Variants in APP observed in about 807,000 individuals in gnomAD.
APP encodes the protein amyloid-beta precursor protein.
A neutral mutation model predicts 101.4 loss-of-function variants in APP; 31 were observed. That is an observed-to-expected ratio of 0.31 (90% CI 0.23 to 0.41). The LOEUF (loss-of-function observed/expected upper bound fraction) is 0.41, where lower values mean the gene tolerates loss of function less well. APP is among the 10% of genes least tolerant of loss of function. The probability of loss-of-function intolerance (pLI) is 1.00; values close to 1 mark genes in which losing one functional copy is unlikely to be tolerated. For synonymous variants in APP, 366 were observed against 364.4 expected (o/e 1.00, Z -0.05); for missense variants, 839 against 1,003.7 (o/e 0.84, Z 2.22).
At position 25,958,337 on chromosome 21, in the gene APP, C is replaced by A. The variant is rs190636544; in HGVS notation, c.1459-2582G>T. Among the ~76,000 whole-genome samples, 439 of 152,232 alleles carry A rather than the reference C, an allele frequency of 2.9e-3. 5 individuals are homozygous for A. Among genetic ancestry groups the A allele is most frequent in the East Asian group, 0.018 (92 of 5,182 alleles). ...TGTCTCCCAGGCTGGAGTGCAGTGG[C>A]GTGATCTTGGCTCACTGCAACCTCC... On this transcript the variant is annotated intron_variant, in intron 11 of 17. Coordinates refer to ENST00000346798, the MANE Select transcript of APP (RefSeq NM_000484.4).
chr21:26,038,628 G>A (rs548517787), intron 5 of APP, among the ~76,000 whole-genome samples: 1 of 152,266 alleles, frequency 6.6e-6, no homozygotes, highest in African/African-American at 2.4e-5. Context: ...GCTGGGCGTG[G>A]TGGCAGGCAC....
At chr21:26,058,238 T>C (rs1028294499) in intron 3 of APP, among the ~76,000 whole-genome samples, 1 of 152,206 alleles carries the variant, frequency 6.6e-6, no homozygotes, top group African/African-American at 2.4e-5. Flanking sequence ...TTTTCTGTTG[T>C]TGTTTTTTCC....
intron 1 of APP, among the ~76,000 whole-genome samples, chr21:26,155,326 T>C (rs1433224974): frequency 6.6e-6 from 1 of 152,130 alleles, no homozygotes; most frequent in Middle Eastern, 3.2e-3. Context: ...TTTGAAGACA[T>C]AATATGAAAA....
In APP at chr21:25,955,740, T is replaced by C. The variant is rs1486801224; in HGVS notation, c.1474A>G (p.Asn492Asp). 6.2e-7 allele frequency: 1 copy of C among 1,614,170 alleles called. No individual in the cohort carries two copies. The highest frequency in any genetic ancestry group is 1.7e-5 in the Admixed American group (1 of 60,008). ...GCGCGGACATACTTCTTTAGCATAT[T>C]GAACACGTGACGAGGCTGTGGGAGG... is the stretch of plus-strand genomic sequence containing the variant. ...AVPPRPRHVF[N>D]MLKKYVRAEQ... The change falls in exon 12 of 18, where the codon AAT (asparagine) becomes GAT (aspartate). Residue 492 changes from asparagine to aspartate, a missense_variant. By Grantham distance (23) the Asn-to-Asp change is conservative. Coordinates refer to ENST00000346798, the MANE Select transcript of APP (RefSeq NM_000484.4).
intron 1 of APP, among the ~76,000 whole-genome samples, chr21:26,160,904 T>C (rs1232236107): frequency 6.6e-6 from 1 of 152,206 alleles, no homozygotes; most frequent in South Asian, 2.1e-4. Flanking sequence ...CTGAACGTGA[T>C]GTATTGACAG....
intron 13 of APP, among the ~76,000 whole-genome samples, chr21:25,930,344 C>A (rs2040088782): frequency 1.3e-5 from 2 of 152,200 alleles, no homozygotes; most frequent in Admixed American, 1.3e-4. Flanking sequence ...CCCCTCCCGG[C>A]AGCCAGCAAA....
At chr21:25,990,350 AT>A (rs2042811787) in intron 8 of APP, among the ~76,000 whole-genome samples, 1 of 152,184 alleles carries the variant, frequency 6.6e-6, no homozygotes, top group South Asian at 2.1e-4. Flanking sequence ...TGCTGGCATT[AT>A]TTTTTTATTA....
At chr21:25,968,014 G>A (rs1397177034) in intron 11 of APP, among the ~76,000 whole-genome samples, 1 of 152,146 alleles carries the variant, frequency 6.6e-6, no homozygotes, top group Non-Finnish European at 1.5e-5. Context: ...TGAAGGGGTT[G>A]GTGTTTAGAA....
chr21:25,881,951 C>T lies in APP; in HGVS notation c.2212-180G>A, dbSNP rs113796615. ...AGAACGCCTTTGCCCACCAGTTACA[C>T]AGATGCTGTGCTCCATCTAGCCACC... On this transcript the variant is annotated intron_variant, in intron 17 of 17. Transcript: ENST00000346798. Among the ~76,000 whole-genome samples the T allele has an allele frequency of 4.1e-3, 622 of 152,226 alleles. 5 individuals carry two copies. Among genetic ancestry groups the T allele is most frequent in the African/African-American group, 0.014 (586 of 41,546 alleles).
Position 25,891,982 on chromosome 21 carries a change from G to A in APP, c.2065-114C>T, listed in dbSNP as rs114043297. On this transcript the variant is annotated intron_variant, in intron 16 of 17. Coordinates refer to ENST00000346798, the MANE Select transcript of APP (RefSeq NM_000484.4). ...TAAATGCAGGGGACATTTGGATGAG[G>A]TTATATAAAAAGTTTCAGTATATTC... The A allele has an allele frequency of 2.0e-3, 2,284 of 1,122,260 alleles. 48 individuals carry two copies. In the African/African-American group the frequency reaches 0.03, roughly 15 times the overall value. The allele number at this position is 1,122,260 out of a possible 1,614,324, so 69.5% of individuals were successfully genotyped here. A position where few individuals can be genotyped will look rare whatever the true frequency, so the allele number is the denominator to read the frequency against.
Position 26,051,165 on chromosome 21 carries a change from T to C in APP, c.497A>G (p.His166Arg). 1 of 1,614,084 alleles carries C rather than the reference T, an allele frequency of 6.2e-7. No individual in the cohort carries two copies. The highest frequency in any genetic ancestry group is 8.5e-7 in the Non-Finnish European group (1 of 1,179,990). ...GCAGGGCAGCAACATGCCGTAGTCA[T>C]GCAAGTTGGTACTCTTCTCACTGCA... ...ETCSEKSTNL[H>R]DYGMLLPCGI... Residue 166 changes from histidine (H) to arginine (R), a missense_variant, in exon 5 of 18, where the codon CAT (histidine) becomes CGT (arginine). Physicochemically the swap from His to Arg is conservative, Grantham distance 29. Transcript: ENST00000346798.
At chr21:26,022,408 A>G (rs7281775) in intron 5 of APP, among the ~76,000 whole-genome samples, 2,962 of 152,286 alleles carry the variant, frequency 0.019, 96 homozygotes, top group African/African-American at 0.066. Context: ...CGATACTGTC[A>G]TAAGTAATAA....
intron 8 of APP, among the ~76,000 whole-genome samples, chr21:25,983,130 T>G (rs565769473): frequency 6.6e-6 from 1 of 152,380 alleles, no homozygotes; most frequent in African/African-American, 2.4e-5. Context: ...AAGTGATTTC[T>G]ATTTTGAATT....
intron 3 of APP, among the ~76,000 whole-genome samples, chr21:26,071,120 C>T (rs1383461909): frequency 1.3e-5 from 2 of 152,110 alleles, no homozygotes; most frequent in African/African-American, 2.4e-5. Context: ...AGCACATTTG[C>T]GGATTCGGCA....
intron 17 of APP, among the ~76,000 whole-genome samples, chr21:25,890,925 A>G (rs1049379438): frequency 1.3e-5 from 2 of 152,156 alleles, no homozygotes; most frequent in Non-Finnish European, 2.9e-5. Context: ...ATGTCACACA[A>G]ATTTTTCAGT....
intron 3 of APP, among the ~76,000 whole-genome samples, chr21:26,066,010 G>A (rs1256879038): frequency 6.6e-6 from 1 of 152,094 alleles, no homozygotes. Flanking sequence ...CGTGTTCTGG[G>A]ACGCGCCTGA....
chr21:26,129,768 T>G (rs532846789), intron 1 of APP, among the ~76,000 whole-genome samples: 1 of 152,338 alleles, frequency 6.6e-6, no homozygotes, highest in Admixed American at 6.5e-5. Context: ...TTAGTGCTGT[T>G]GTTTCCATGA....
chr21:25,945,151 C>T lies in APP; in HGVS notation c.1687+9439G>A, dbSNP rs551542715. ...TCAGTCATCATGGCTTAAGGAAAAG[C>T]TCACAAATAATTTCTCTGGAATCTC... On this transcript the variant is annotated intron_variant, in intron 13 of 17. Coordinates refer to ENST00000346798, the MANE Select transcript of APP (RefSeq NM_000484.4). Among the ~76,000 whole-genome samples the T allele has an allele frequency of 9.9e-5, 15 of 152,254 alleles. No homozygotes were observed. The South Asian group carries it at 3.1e-3, about 32-fold the overall frequency.
chr21:26,139,835 G>A (rs1312503467), intron 1 of APP, among the ~76,000 whole-genome samples: 2 of 152,094 alleles, frequency 1.3e-5, no homozygotes, highest in East Asian at 1.9e-4. Context: ...AGCCAATATC[G>A]GGCCACTGCA....
Sources: gnomAD v4.1 joint callset for allele counts (sites outside exome capture counted in the v4.1 genomes callset) on GRCh38, gnomAD v4.1.1 for gene constraint, MANE v1.5 for transcripts, NCBI Gene and HGNC (gene_info 2026-07-23, HGNC 2026-07-21) for gene names.